The following SAMD9L variants were observed in gnomAD, a reference collection of about 807,000 sequenced individuals.
SAMD9L encodes sterile alpha motif domain-containing protein 9-like.
SAMD9L carries 68 observed loss-of-function variants against 90.7 expected under a neutral mutation model. The ratio of observed to expected loss-of-function variants is 0.75; its 90% CI spans 0.62 to 0.92. The LOEUF (loss-of-function observed/expected upper bound fraction) is 0.92. Ranked by LOEUF, SAMD9L falls within the 40% of genes least tolerant of loss-of-function variation. The pLI is 0.00. For synonymous variants in SAMD9L, 640 were observed against 630.1 expected, an observed-to-expected ratio of 1.02 and a Z score of -0.23; for missense variants, 1,604 against 1,824.3, an observed-to-expected ratio of 0.88 and a Z score of 2.20.
intron 4 of SAMD9L, among the ~76,000 whole-genome samples, chr7:93,142,954 C>A (rs1792749721): frequency 6.6e-6 from 1 of 152,206 alleles, no homozygotes; most frequent in Admixed American, 6.5e-5. Flanking sequence ...CTTATAGACA[C>A]CAGCGCTCTA....
At chr7:93,142,815 G>A (rs1340367799) in intron 4 of SAMD9L, among the ~76,000 whole-genome samples, 1 of 152,188 alleles carries the variant, frequency 6.6e-6, no homozygotes, top group Non-Finnish European at 1.5e-5. Context: ...CTCTGTTTAG[G>A]TGTGAGGCAG....
At chr7:93,136,652 T>C (rs1792464978) in intron 4 of SAMD9L, among the ~76,000 whole-genome samples, 1 of 152,228 alleles carries the variant, frequency 6.6e-6, no homozygotes, top group South Asian at 2.1e-4. Context: ...GAGTTTTTAA[T>C]TTTGTTAGAG....
Position 93,135,829 on chromosome 7 carries a change from T to A in SAMD9L, c.143A>T (p.Gln48Leu). The A allele has an allele frequency of 6.2e-7, 1 of 1,614,090 alleles. No individual in the cohort carries two copies. Among genetic ancestry groups the A allele is most frequent in the South Asian group, 1.1e-5 (1 of 91,088 alleles). ...TACAAGGTCCTTCTCAGTTAATTCC[T>A]GCAGGACTAATCCTGTTACTTCTTC... ...LSEEVTGLVL[Q>L]ELTEKDLVEM... Residue 48 changes from glutamine to leucine, a missense_variant, in exon 5 of 5, where the codon CAG becomes CTG. Physicochemically the swap from Gln to Leu is moderately radical, Grantham distance 113 (BLOSUM62 -2). Around this residue, in one of 7 missense-constraint regions of SAMD9L, gnomAD observed 374 missense variants for 363.6 expected, o/e 1.03. Transcript: ENST00000318238.
At chr7:93,147,308 A>C (rs1336091492) in intron 1 of SAMD9L, among the ~76,000 whole-genome samples, 162 bp from the exon 2 acceptor site, 1 of 152,208 alleles carries the variant, frequency 6.6e-6, no homozygotes, top group African/African-American at 2.4e-5. Context: ...TTGGCTTTCT[A>C]GGGGCCCTCA....
intron 4 of SAMD9L, among the ~76,000 whole-genome samples, chr7:93,138,718 C>T (rs749547594): frequency 6.6e-6 from 1 of 152,154 alleles, no homozygotes; most frequent in Non-Finnish European, 1.5e-5. Context: ...CAGTGGGCAG[C>T]TCCTACTCTT....
At position 93,134,290 on chromosome 7, in the gene SAMD9L, ATGAGTGGATCTCC is replaced by A. The variant is rs769713484; in HGVS notation, c.1669_1681del (p.Gly557LeufsTer22). On this transcript the variant is annotated frameshift_variant, in exon 5 of 5. Coordinates refer to ENST00000318238, the MANE Select transcript of SAMD9L (RefSeq NM_152703.5). LOFTEE classifies it high-confidence loss of function. Reference sequence around the variant, plus strand: ...TTGATAGAAAGCCCAGAAAGTTTCAATGAGTGGATCTCCTGGGCTTTCCACTGAAGAGAGTAAT... The same window carrying A: ...TTGATAGAAAGCCCAGAAAGTTTCAATGGGCTTTCCACTGAAGAGAGTAAT... 1 of 1,613,502 alleles carries A rather than the reference ATGAGTGGATCTCC, an allele frequency of 6.2e-7. No homozygotes were observed. The highest frequency in any genetic ancestry group is 2.2e-5 in the East Asian group (1 of 44,856).
rs774550611 is a variant in SAMD9L at position 93,135,798 on chromosome 7, C to T, written c.174G>A (p.Met58Ile). 3.7e-6 allele frequency: 6 copies of T among 1,614,006 alleles called. No individual in the cohort carries two copies. In the Admixed American group the frequency reaches 1.0e-4, roughly 27 times the overall value. The change falls in exon 5 of 5, where the codon ATG (methionine) becomes ATA (isoleucine). Residue 58 changes from methionine (M) to isoleucine (I), a missense_variant. Met to Ile is a conservative substitution (Grantham distance 10). This residue lies in a region of SAMD9L where 374 missense variants were observed against 363.6 expected (regional missense o/e 1.03). Coordinates refer to ENST00000318238, the MANE Select transcript of SAMD9L (RefSeq NM_152703.5). ...QELTEKDLVEMGLPWGPALLI... is the reference protein window; with the variant it reads ...QELTEKDLVEIGLPWGPALLI... ...AAAGTGCTGGACCCCATGGTAGCCC[C>T]ATTTCTACAAGGTCCTTCTCAGTTA...
rs200412482 is a variant in SAMD9L at position 93,134,038 on chromosome 7, A to T, written c.1934T>A (p.Leu645Gln). 8.1e-6 allele frequency: 13 copies of T among 1,613,738 alleles called. No homozygotes were observed. In the South Asian group the frequency reaches 1.2e-4, roughly 15 times the overall value. The change falls in exon 5 of 5, where the codon CTA (leucine) becomes CAA (glutamine). Residue 645 changes from leucine to glutamine, a missense_variant. Coordinates refer to ENST00000318238, the MANE Select transcript of SAMD9L (RefSeq NM_152703.5). ...LPARGSSSVI[L>Q]EKKKEDVLTA... ...CAAGACATCCTCTTTCTTTTTCTCTAGGATAACTGAAGAAGATCCACGGGC... is the reference window on the plus strand; with the variant it reads ...CAAGACATCCTCTTTCTTTTTCTCTTGGATAACTGAAGAAGATCCACGGGC...
intron 1 of SAMD9L, among the ~76,000 whole-genome samples, chr7:93,147,903 G>A (rs967182407): frequency 1.4e-4 from 21 of 151,972 alleles, no homozygotes; most frequent in South Asian, 6.2e-4. Context: ...TGTTTGCATC[G>A]TTTCTCTATC....
rs1361576170 is a variant in SAMD9L, at chr7:93,133,323, A to G, written c.2649T>C (p.Cys883=). ...TGATCATGAAGGAATAAAAGTTTTC[A>G]CAGTTCTTGTGCTGCTTTTCAATTT... ...LKEIEKQHKN[C]ENFYSFMIMK... The change falls in exon 5 of 5, where the codon TGT becomes TGC. Residue 883 remains cysteine (C), a synonymous_variant. Transcript: ENST00000318238. 6.2e-7 allele frequency: 1 copy of G among 1,612,564 alleles called. No individual in the cohort carries two copies. Among genetic ancestry groups the G allele is most frequent in the Non-Finnish European group, 8.5e-7 (1 of 1,179,292 alleles).
chr7:93,135,453 G>A lies in SAMD9L; in HGVS notation c.519C>T (p.Asp173=). 1.2e-6 allele frequency: 2 copies of A among 1,614,150 alleles called. No individual in the cohort carries two copies. Among genetic ancestry groups the A allele is most frequent in the Non-Finnish European group, 8.5e-7 (1 of 1,179,980 alleles). ...CMPYPFDQFH[D]SHRYIEHYTL... ...TATAATGTTCTATGTAGCGATGGCT[G>A]TCATGGAACTGATCAAAAGGATATG... Residue 173 remains aspartate, a synonymous_variant, in exon 5 of 5, where the codon GAC becomes GAT. Coordinates refer to ENST00000318238, the MANE Select transcript of SAMD9L (RefSeq NM_152703.5).
intron 4 of SAMD9L, among the ~76,000 whole-genome samples, chr7:93,142,406 T>A (rs1185234583): frequency 6.6e-6 from 1 of 152,216 alleles, no homozygotes; most frequent in Non-Finnish European, 1.5e-5. Flanking sequence ...ACAATTGAAT[T>A]GTATTTGGGA....
In SAMD9L at chr7:93,133,101, A is replaced by T. The variant is rs1451513931; in HGVS notation, c.2871T>A (p.Pro957=). 3 of 1,612,722 alleles carry T rather than the reference A, an allele frequency of 1.9e-6. No individual in the cohort carries two copies. In the African/African-American group the frequency reaches 4.0e-5, roughly 22 times the overall value. The part of the protein sequence containing the change: ...GIIYTSTPWE[P]ESLEDKMGTY... The stretch of plus-strand genomic sequence containing the variant: ...TTCCCATCTTGTCTTCTAAGCTTTC[A>T]GGTTCCCAGGGTGTACTAGTGTATA... Residue 957 remains proline (P), a synonymous_variant, in exon 5 of 5, where the codon CCT becomes CCA. Coordinates refer to ENST00000318238, the MANE Select transcript of SAMD9L (RefSeq NM_152703.5).
rs867461861 is a variant in SAMD9L at position 93,132,805 on chromosome 7, G to A, written c.3167C>T (p.Ser1056Phe). The change falls in exon 5 of 5, where the codon TCC becomes TTC. Residue 1056 changes from serine to phenylalanine, a missense_variant. By Grantham distance (155) the Ser-to-Phe change is radical. Transcript: ENST00000318238. ...ATTCTGTAAAGCTTCCATTAATGGG[G>A]AAAACAGAGTGTCTGTTTCATCTCC... ...VYGDETDTLF[S>F]PLMEALQNKD... 1.2e-6 allele frequency: 2 copies of A among 1,613,712 alleles called. No individual in the cohort carries two copies. The highest frequency in any genetic ancestry group is 1.3e-5 in the African/African-American group (1 of 74,992).
rs1250145558 is a variant in SAMD9L, at chr7:93,131,223, T to A, written c.4749A>T (p.Val1583=). Residue 1583 remains valine, a synonymous_variant, in exon 5 of 5, where the codon GTA becomes GTT. Transcript: ENST00000318238. ...CTACAGGTGATGTATTGTCTTAAAT[T>A]ACTTCTATATCATATGCCAGAGGGC... ...IEGPLAYDIE[V]I The A allele has an allele frequency of 2.6e-6, 4 of 1,512,220 alleles. No individual in the cohort carries two copies. The South Asian group carries it at 5.1e-5, about 19-fold the overall frequency. 93.7% of individuals were successfully genotyped at this position (1,512,220 alleles called of 1,614,324 possible).
At chr7:93,141,352 C>G (rs1242545394) in intron 4 of SAMD9L, among the ~76,000 whole-genome samples, 5 of 152,166 alleles carry the variant, frequency 3.3e-5, no homozygotes. Context: ...AATCTGTATG[C>G]CTGTGACTTC....
Position 93,130,938 on chromosome 7 carries a change from G to A in SAMD9L, c.*279C>T. 1 of 293,458 alleles carries A rather than the reference G, an allele frequency of 3.4e-6. No individual in the cohort carries two copies. The highest frequency in any genetic ancestry group is 6.4e-5 in the East Asian group (1 of 15,628). The allele number at this position is 293,458 out of a possible 1,614,324, so 18.2% of individuals were successfully genotyped here. On this transcript the variant is annotated 3_prime_UTR_variant, in exon 5 of 5. Transcript: ENST00000318238. ...CACAGATTTTATTGCCCTATAGACA[G>A]TTATGATGTGACCAGTGGATATCAA... is the stretch of plus-strand genomic sequence containing the variant.
At chr7:93,147,629 T>C (rs768975364) in intron 1 of SAMD9L, among the ~76,000 whole-genome samples, 107 of 152,228 alleles carry the variant, frequency 7.0e-4, no homozygotes, top group Non-Finnish European at 1.3e-3. Context: ...TTGCATAGTC[T>C]GGCAGACAGA....
At position 93,135,061 on chromosome 7, in the gene SAMD9L, A is replaced by G; in HGVS notation, c.911T>C (p.Val304Ala). Residue 304 changes from valine (V) to alanine (A), a missense_variant, in exon 5 of 5, where the codon GTC (valine) becomes GCC (alanine). Coordinates refer to ENST00000318238, the MANE Select transcript of SAMD9L (RefSeq NM_152703.5). ...LQNNTPSDRF[V>A]IEVDTIPKHS... ...TTTTGGAATAGTATCAACTTCAATG[A>G]CAAATCTGTCAGATGGTGTATTGTT... 6.2e-7 allele frequency: 1 copy of G among 1,613,342 alleles called. No individual in the cohort carries two copies. Among genetic ancestry groups the G allele is most frequent in the Non-Finnish European group, 8.5e-7 (1 of 1,179,690 alleles).
Sources: allele counts gnomAD v4.1 joint callset (sites outside exome capture counted in the v4.1 genomes callset), GRCh38; gene constraint gnomAD v4.1.1; regional missense constraint gnomAD v4.1.1; transcripts MANE v1.5; gene names NCBI Gene and HGNC (gene_info 2026-07-23, HGNC 2026-07-21).